FMO3: variants seen among roughly 807,000 people sequenced by gnomAD.
FMO3 encodes the protein flavin containing dimethylaniline monoxygenase 3.
In FMO3, 40 loss-of-function variants were observed where a neutral mutation model predicts 39.4. The ratio of observed to expected loss-of-function variants is 1.02; its 90% CI spans 0.79 to 1.32. The LOEUF is 1.32. Ranked by LOEUF, FMO3 falls within the 40% of genes most tolerant of loss-of-function variation. The pLI is 0.00. For synonymous variants in FMO3, 219 were observed against 228.8 expected, an observed-to-expected ratio of 0.96 and a Z score of 0.39; for missense variants, 680 against 651.8, an observed-to-expected ratio of 1.04 and a Z score of -0.47.
At chr1:171,103,192 T>C (rs2101907836) in intron 2 of FMO3, among the ~76,000 whole-genome samples, 1 of 152,332 alleles carries the variant, frequency 6.6e-6, no homozygotes, top group African/African-American at 2.4e-5. Flanking sequence ...GAAAGGATTC[T>C]AGTTACATAG....
intron 6 of FMO3, among the ~76,000 whole-genome samples, chr1:171,112,221 T>TA (rs1655944366): frequency 6.6e-6 from 1 of 152,180 alleles, no homozygotes. Flanking sequence ...GTGGGCCTTG[T>TA]AGATCATTGT....
chr1:171,114,419 T>A, intron 7 of FMO3, 57 bp downstream of exon 7: 1 of 1,257,054 alleles, frequency 8.0e-7, no homozygotes, highest in Non-Finnish European at 1.1e-6. Flanking sequence ...ACAATAACTT[T>A]GGATCTTTGT....
chr1:171,107,926 T>C, intron 4 of FMO3, 89 bp downstream of exon 4: 1 of 1,459,868 alleles, frequency 6.8e-7, no homozygotes, highest in Non-Finnish European at 9.6e-7. Context: ...TATAAGCAGG[T>C]TAAATTAAAA....
intron 2 of FMO3, among the ~76,000 whole-genome samples, chr1:171,095,745 T>TATGA (rs200715887): frequency 0.058 from 7,264 of 125,230 alleles, 455 homozygotes; most frequent in East Asian, 0.22. Context: ...TATATATCTA[T>TATGA]AATAATATAA....
At chr1:171,116,940 G>T (rs28363593) in intron 8 of FMO3, among the ~76,000 whole-genome samples, 160 bp from the exon 9 acceptor site, 3,292 of 152,248 alleles carry the variant, frequency 0.022, 101 homozygotes, top group African/African-American at 0.075. Flanking sequence ...CCTTATACAA[G>T]AAATTGATGT....
At position 171,096,071 on chromosome 1, in the gene FMO3, T is replaced by TAATATATATTATA. The variant is rs1491505210; in HGVS notation, c.132+3281_132+3282insAATATATATTATA. Among the ~76,000 whole-genome samples, 4 of 53,666 alleles carry TAATATATATTATA rather than the reference T, an allele frequency of 7.5e-5. No individual in the cohort carries two copies. In the Admixed American group the frequency reaches 1.4e-3, roughly 18 times the overall value. 35.2% of individuals were successfully genotyped at this position (53,666 alleles called of 152,430 possible). On this transcript the variant is annotated intron_variant, in intron 2 of 8. Transcript: ENST00000367755. ...ATAAATATATAATATATATTATATA[T>TAATATATATTATA]TAATATATAATATATATTAATATTT... is the stretch of plus-strand genomic sequence containing the variant.
chr1:171,114,391 C>T (rs529912807), intron 7 of FMO3, 29 bp downstream of exon 7: 31 of 1,479,226 alleles, frequency 2.1e-5, no homozygotes, highest in Admixed American at 6.8e-5. Context: ...TCATGGATTG[C>T]GAAGATGAAT....
At chr1:171,093,660 A>AT (rs572189663) in intron 2 of FMO3, among the ~76,000 whole-genome samples, 23 of 151,640 alleles carry the variant, frequency 1.5e-4, no homozygotes, top group Non-Finnish European at 2.9e-4. Flanking sequence ...GGGTGCAGGA[A>AT]TTTTTTTTAT....
intron 2 of FMO3, among the ~76,000 whole-genome samples, chr1:171,096,776 A>C (rs1426117501): frequency 8.8e-6 from 1 of 113,998 alleles, no homozygotes; most frequent in African/African-American, 3.4e-5. Flanking sequence ...AATTAATATA[A>C]TTATATTAAA....
chr1:171,117,066 G>A (rs1656188653), intron 8 of FMO3, 34 bp from the exon 9 acceptor site: 2 of 1,491,312 alleles, frequency 1.3e-6, no homozygotes, highest in Non-Finnish European at 9.4e-7. Flanking sequence ...CAGAGTTTGG[G>A]TATCCACAGT....
rs2101892647 is a variant in FMO3, at chr1:171,092,785, T to A, written c.127T>A (p.Phe43Ile). The part of the protein sequence containing the change: ...KSNDIGGLWK[F>I]SDHAEEGRAS... ...CAATGACATTGGGGGCCTGTGGAAA[T>A]TTTCAGTGAGTAGCATGTTGTTGTA... The change falls in exon 2 of 9, where the codon TTT (phenylalanine) becomes ATT (isoleucine). Residue 43 changes from phenylalanine to isoleucine, a missense_variant. Physicochemically the swap from Phe to Ile is conservative, Grantham distance 21 (BLOSUM62 0). Coordinates refer to ENST00000367755, the MANE Select transcript of FMO3 (RefSeq NM_001002294.3). 6.2e-7 allele frequency: 1 copy of A among 1,613,792 alleles called. No individual in the cohort carries two copies. Among genetic ancestry groups the A allele is most frequent in the South Asian group, 1.1e-5 (1 of 91,058 alleles).
intron 2 of FMO3, among the ~76,000 whole-genome samples, chr1:171,096,030 A>ATAATATATATTTATATAT (rs1654985336): frequency 1.7e-5 from 1 of 60,006 alleles, no homozygotes; most frequent in African/African-American, 7.6e-5. Flanking sequence ...ATATTAATAT[A>ATAATATATATTTATATAT]TAATATATAT....
At chr1:171,110,697 C>A in intron 5 of FMO3, 101 bp from the exon 6 acceptor site, 1 of 1,077,216 alleles carries the variant, frequency 9.3e-7, no homozygotes, top group Non-Finnish European at 1.4e-6. Context: ...CTTTCTGCAG[C>A]TGGGGTAATA....
intron 3 of FMO3, 67 bp from the exon 4 acceptor site, chr1:171,107,608 C>A (rs1307729779): frequency 1.5e-6 from 2 of 1,346,686 alleles, no homozygotes; most frequent in African/African-American, 1.5e-5. Flanking sequence ...TTTCTTTTTT[C>A]ATACTGTATC....
At position 171,096,755 on chromosome 1, in the gene FMO3, TA is replaced by T. The variant is rs1273693594; in HGVS notation, c.132+3970del. 4.3e-4 allele frequency among the ~76,000 whole-genome samples: 58 copies of T among 135,800 alleles called. 1 individual carries two copies. The highest frequency in any genetic ancestry group is 8.3e-4 in the East Asian group (4 of 4,814). 89.1% of individuals were successfully genotyped at this position (135,800 alleles called of 152,430 possible). On this transcript the variant is annotated intron_variant, in intron 2 of 8. Coordinates refer to ENST00000367755, the MANE Select transcript of FMO3 (RefSeq NM_001002294.3). ...ATATATATAATTAATATAATTATAT[TA>T]AAAATATATAATTAATATAATTATA...
At chr1:171,108,607 C>T (rs1246339079) in intron 5 of FMO3, among the ~76,000 whole-genome samples, 1 of 152,134 alleles carries the variant, frequency 6.6e-6, no homozygotes. Flanking sequence ...TACTTCTGGG[C>T]TTGTTATAAA....
chr1:171,094,026 G>A (rs141433827), intron 2 of FMO3, among the ~76,000 whole-genome samples: 5,041 of 151,328 alleles, frequency 0.033, 142 homozygotes, highest in African/African-American at 0.069. Context: ...ACAGAGTTTC[G>A]CCATGTTGAC....
chr1:171,094,211 T>A (rs1654850083), intron 2 of FMO3, among the ~76,000 whole-genome samples: 1 of 152,148 alleles, frequency 6.6e-6, no homozygotes. Flanking sequence ...TCTCTGGTAA[T>A]TCGTGATGTT....
chr1:171,101,984 C>T (rs1655416826), intron 2 of FMO3, among the ~76,000 whole-genome samples: 1 of 151,928 alleles, frequency 6.6e-6, no homozygotes, highest in African/African-American at 2.4e-5. Context: ...TGCTGATTAT[C>T]ATCTCTTTAA....
Sources: allele counts gnomAD v4.1 joint callset (sites outside exome capture counted in the v4.1 genomes callset), GRCh38; gene constraint gnomAD v4.1.1; transcripts MANE v1.5; gene names NCBI Gene and HGNC (gene_info 2026-07-23, HGNC 2026-07-21).